ACACB: variants seen among roughly 807,000 people sequenced by gnomAD.
ACACB encodes acetyl-CoA carboxylase 2.
A neutral mutation model predicts 278.8 loss-of-function variants in ACACB; 209 were observed. The ratio of observed to expected loss-of-function variants is 0.75; its 90% CI spans 0.67 to 0.84. ACACB has a LOEUF of 0.84. ACACB is among the 40% of genes least tolerant of loss of function. The pLI, the probability that ACACB is intolerant of heterozygous loss-of-function variation, is 0.00. For synonymous variants in ACACB, 1,174 were observed against 1,285.6 expected (o/e 0.91, Z 1.86); for missense variants, 2,850 against 3,269.0 (o/e 0.87, Z 3.13).
At chr12:109,166,259 GTAT>G (rs1476631572) in intron 2 of ACACB, among the ~76,000 whole-genome samples, 3 of 152,090 alleles carry the variant, frequency 2.0e-5, no homozygotes, top group African/African-American at 7.2e-5. Context: ...AAGTTTTTTA[GTAT>G]TATTCAGGTT....
intron 7 of ACACB, among the ~76,000 whole-genome samples, chr12:109,175,222 GTT>G (rs138228770): frequency 6.7e-6 from 1 of 150,064 alleles, no homozygotes; most frequent in Non-Finnish European, 1.5e-5. Context: ...TATTAAATTT[GTT>G]TTTTTTTCCC....
At chr12:109,260,241 G>A in intron 47 of ACACB, 3 of 1,365,032 alleles carry the variant, frequency 2.2e-6, no homozygotes, top group Non-Finnish European at 2.0e-6. Flanking sequence ...AAGAATCCTA[G>A]AGATTGGTTT....
chr12:109,129,528 T>C (rs1032850001), intron 1 of ACACB, among the ~76,000 whole-genome samples: 2 of 152,224 alleles, frequency 1.3e-5, no homozygotes, highest in South Asian at 4.1e-4. Flanking sequence ...AATAATCCTC[T>C]GTTGAAATAA....
intron 27 of ACACB, among the ~76,000 whole-genome samples, chr12:109,226,206 G>A (rs2046307496): frequency 6.6e-6 from 1 of 152,200 alleles, no homozygotes; most frequent in South Asian, 2.1e-4. Context: ...AGGAGTTCAA[G>A]GCTGCAGTGG....
intron 37 of ACACB, 32 bp from the exon 38 acceptor site, chr12:109,245,594 C>T: frequency 6.2e-7 from 1 of 1,607,254 alleles, no homozygotes. Context: ...CTGATGACTT[C>T]AAGTTTTTTC....
At chr12:109,255,262 C>A (rs2047196090) in intron 44 of ACACB, among the ~76,000 whole-genome samples, 1 of 152,198 alleles carries the variant, frequency 6.6e-6, no homozygotes, top group Non-Finnish European at 1.5e-5. Flanking sequence ...TGAGCTGCTC[C>A]CGTCACTATA....
chr12:109,181,229 C>CTTTTTTTTTTTTT (rs1219593155), intron 11 of ACACB, among the ~76,000 whole-genome samples: 2 of 130,786 alleles, frequency 1.5e-5, no homozygotes, highest in African/African-American at 5.8e-5. Context: ...TTTTTCTTTT[C>CTTTTTTTTTTTTT]TTTTTTTTTT....
chr12:109,199,260 A>AT, intron 17 of ACACB, 142 bp from the exon 18 acceptor site: 1 of 593,192 alleles, frequency 1.7e-6, no homozygotes, highest in Non-Finnish European at 2.6e-6. Context: ...TGTCTCTGAG[A>AT]TAACTATCAA....
chr12:109,201,476 G>A (rs909788842), intron 18 of ACACB, 91 bp from the exon 19 acceptor site: 56 of 1,507,900 alleles, frequency 3.7e-5, no homozygotes, highest in Middle Eastern at 3.5e-4. Context: ...GTAGTGTCCC[G>A]GCGCGTCCCT....
chr12:109,223,993 C>T, intron 27 of ACACB, 89 bp downstream of exon 27: 1 of 1,092,400 alleles, frequency 9.2e-7, no homozygotes, highest in Non-Finnish European at 1.4e-6. Flanking sequence ...AGGCCACATG[C>T]CTTGGTGAAT....
At position 109,237,345 on chromosome 12, in the gene ACACB, C is replaced by A. The variant is rs774245896; in HGVS notation, c.4627C>A (p.Arg1543Ser). ...VEVTDHRFFI[R>S]AIIRHSDLIT... ...AGTGACGGACCATAGGTTCTTCATCCGCGCCATCATCAGGCACTCTGACCT... is the reference window on the plus strand; with the variant it reads ...AGTGACGGACCATAGGTTCTTCATCAGCGCCATCATCAGGCACTCTGACCT... Residue 1543 changes from arginine to serine, a missense_variant, in exon 34 of 53, where the codon CGC (arginine) becomes AGC (serine). This residue lies in a region of ACACB where 2,265 missense variants were observed against 2,561.3 expected (regional missense o/e 0.88). Coordinates refer to ENST00000338432, the MANE Select transcript of ACACB (RefSeq NM_001093.4). The A allele has an allele frequency of 3.7e-6, 6 of 1,614,128 alleles. No individual in the cohort carries two copies. The highest frequency in any genetic ancestry group is 5.1e-6 in the Non-Finnish European group (6 of 1,180,020).
At chr12:109,196,569 C>T (rs896875809) in intron 16 of ACACB, among the ~76,000 whole-genome samples, 2 of 152,182 alleles carry the variant, frequency 1.3e-5, no homozygotes, top group African/African-American at 2.4e-5. Context: ...CCAAAGGCTC[C>T]ACCTCCTAAA....
At chr12:109,216,959 G>A in intron 24 of ACACB, 39 bp downstream of exon 24, 1 of 1,601,710 alleles carries the variant, frequency 6.2e-7, no homozygotes, top group Non-Finnish European at 8.5e-7. Flanking sequence ...CTGGGGGTGG[G>A]TCAGGAGTCC....
At chr12:109,167,621 G>GTGTATATATATA (rs1555210640) in intron 3 of ACACB, among the ~76,000 whole-genome samples, 2 of 77,526 alleles carry the variant, frequency 2.6e-5, no homozygotes, top group African/African-American at 5.1e-5. Context: ...ATATGTATGT[G>GTGTATATATATA]TATATATATA....
At chr12:109,183,950 A>G (rs925609280) in intron 11 of ACACB, among the ~76,000 whole-genome samples, 1 of 152,014 alleles carries the variant, frequency 6.6e-6, no homozygotes, top group African/African-American at 2.4e-5. Flanking sequence ...AAAAGTTGCA[A>G]GAATGATACA....
At position 109,253,016 on chromosome 12, in the gene ACACB, T is replaced by C; in HGVS notation, c.5903T>C (p.Val1968Ala). Residue 1968 changes from valine (V) to alanine (A), a missense_variant and splice_region_variant, in exon 43 of 53, where the codon GTC (valine) becomes GCC (alanine). Transcript: ENST00000338432. ...ILTGASALNKVLGREVYTSNN... is the reference protein window; with the variant it reads ...ILTGASALNKALGREVYTSNN... ...GCTAACCATGTTGTGTCAAAGCAGG[T>C]CCTGGGAAGAGAGGTCTACACATCC... is the stretch of plus-strand genomic sequence containing the variant. 6.2e-7 allele frequency: 1 copy of C among 1,603,410 alleles called. No homozygotes were observed. The highest frequency in any genetic ancestry group is 8.5e-7 in the Non-Finnish European group (1 of 1,174,454).
At position 109,220,870 on chromosome 12, in the gene ACACB, G is replaced by GTTA. The variant is rs1471241705; in HGVS notation, c.3565-1623_3565-1621dup. On this transcript the variant is annotated intron_variant, in intron 24 of 52. Transcript: ENST00000338432. ...ATGCCCTGCCTAGAAAAATGTTTTT[G>GTTA]TTATTATTATTATTATCTTTTGTAT... is the stretch of plus-strand genomic sequence containing the variant. Among the ~76,000 whole-genome samples, 39 of 152,126 alleles carry GTTA rather than the reference G, an allele frequency of 2.6e-4. 1 individual carries two copies. Among genetic ancestry groups the GTTA allele is most frequent in the African/African-American group, 8.7e-4 (36 of 41,520 alleles).
chr12:109,190,507 C>T (rs1032665304), intron 13 of ACACB, among the ~76,000 whole-genome samples: 3 of 152,246 alleles, frequency 2.0e-5, no homozygotes, highest in Non-Finnish European at 2.9e-5. Context: ...TCTGCAGGTG[C>T]ACCCCACACA....
chr12:109,210,130 TGTGTGTATATATGTATATATACACAC>T (rs2045695161), intron 21 of ACACB, among the ~76,000 whole-genome samples: 1 of 95,048 alleles, frequency 1.1e-5, no homozygotes, highest in Non-Finnish European at 2.2e-5. Context: ...CGTACATGTA[TGTGTGTATATATGTATATATACACAC>T]GTGTGTATAT....
Sources: gnomAD v4.1 joint callset for allele counts (sites outside exome capture counted in the v4.1 genomes callset) on GRCh38, gnomAD v4.1.1 for gene constraint, gnomAD v4.1.1 regional missense constraint, MANE v1.5 for transcripts, NCBI Gene and HGNC (gene_info 2026-07-23, HGNC 2026-07-21) for gene names.